C10orf90: variants seen among roughly 807,000 people sequenced by gnomAD.
The protein encoded by C10orf90 is chromosome 10 open reading frame 90.
A neutral mutation model predicts 62.5 loss-of-function variants in C10orf90; 56 were observed. That is an observed-to-expected ratio of 0.90 (90% CI 0.72 to 1.12). The LOEUF (loss-of-function observed/expected upper bound fraction) is 1.12, where lower values mean the gene tolerates loss of function less well. Ranked by LOEUF, C10orf90 falls within the 50% of genes most tolerant of loss-of-function variation. C10orf90 has a pLI of 0.00. For missense variants in C10orf90, 970 were observed against 880.4 expected, an observed-to-expected ratio of 1.10 and a Z score of -1.29; for synonymous variants, 386 against 340.4, an observed-to-expected ratio of 1.13 and a Z score of -1.47.
intron 4 of C10orf90, among the ~76,000 whole-genome samples, chr10:126,502,378 G>A (rs568551536): frequency 4.8e-4 from 73 of 152,356 alleles, no homozygotes; most frequent in African/African-American, 1.4e-3. Context: ...TGGGATCTGT[G>A]CTTTTTCTGG....
At chr10:126,503,338 C>T (rs1026451658) in intron 4 of C10orf90, among the ~76,000 whole-genome samples, 1 of 152,152 alleles carries the variant, frequency 6.6e-6, no homozygotes, top group Non-Finnish European at 1.5e-5. Flanking sequence ...GAAGACAAAA[C>T]CAGGGGGACA....
intron 2 of C10orf90, among the ~76,000 whole-genome samples, chr10:126,635,342 C>T (rs958081973): frequency 2.6e-5 from 4 of 152,166 alleles, no homozygotes; most frequent in African/African-American, 9.7e-5. Flanking sequence ...CACCTCTTCT[C>T]CATTCAAGGC....
intron 2 of C10orf90, among the ~76,000 whole-genome samples, chr10:126,608,073 A>C (rs1377916787): frequency 6.6e-6 from 1 of 152,186 alleles, no homozygotes; most frequent in Non-Finnish European, 1.5e-5. Flanking sequence ...ATGGTGGTCA[A>C]TGTTGCACAA....
At chr10:126,544,120 A>G (rs1043970098) in intron 2 of C10orf90, among the ~76,000 whole-genome samples, 2 of 152,192 alleles carry the variant, frequency 1.3e-5, no homozygotes, top group Non-Finnish European at 2.9e-5. Flanking sequence ...ATTTTTTAAT[A>G]TTGTCAACTA....
intron 4 of C10orf90, among the ~76,000 whole-genome samples, chr10:126,493,064 G>A (rs576654254): frequency 1.3e-5 from 2 of 151,852 alleles, no homozygotes; most frequent in South Asian, 4.2e-4. Flanking sequence ...ACGATTAACA[G>A]GAAGTTCGTT....
chr10:126,440,753 G>T (rs4614351), intron 7 of C10orf90, among the ~76,000 whole-genome samples: 51 of 152,256 alleles, frequency 3.3e-4, no homozygotes, highest in African/African-American at 1.1e-3. Context: ...CCTGGAGCCT[G>T]GTAGACTTGC....
chr10:126,497,761 T>C (rs1003528449), intron 4 of C10orf90, among the ~76,000 whole-genome samples: 1 of 152,160 alleles, frequency 6.6e-6, no homozygotes, highest in African/African-American at 2.4e-5. Context: ...ACTACTCAAC[T>C]TTGCTGTTGC....
rs181147776 is a variant in C10orf90, at chr10:126,507,038, C to A, written c.406-1953G>T. On this transcript the variant is annotated intron_variant, in intron 3 of 9. Coordinates refer to ENST00000488181, the MANE Select transcript of C10orf90 (RefSeq NM_001350921.2). ...GCTTGTTTTGCATGACAATCTCCATCACATTATATGTGGGTTTTTTAAAAA... is the reference window on the plus strand; with the variant it reads ...GCTTGTTTTGCATGACAATCTCCATAACATTATATGTGGGTTTTTTAAAAA... 3.9e-4 allele frequency among the ~76,000 whole-genome samples: 59 copies of A among 152,108 alleles called. No individual in the cohort carries two copies. In the East Asian group the frequency reaches 9.7e-3, roughly 25 times the overall value.
At chr10:126,624,375 G>C (rs1270699230) in intron 2 of C10orf90, among the ~76,000 whole-genome samples, 1 of 152,108 alleles carries the variant, frequency 6.6e-6, no homozygotes, top group Non-Finnish European at 1.5e-5. Context: ...CTCCTACTGA[G>C]GTTTTGTGAA....
In C10orf90 at chr10:126,504,503, T is replaced by C; in HGVS notation, c.988A>G (p.Ser330Gly). ...GACAGTGGGGTGTCTGGAGAAAAAC[T>C]GGTCTCTTTGTCGTCTGCATGGGTG... Reference protein sequence around the residue: ...WVTHADDKETSFSPDTPLSGK... With the variant: ...WVTHADDKETGFSPDTPLSGK... Residue 330 changes from serine to glycine, a missense_variant, in exon 4 of 10, where the codon AGT becomes GGT. Physicochemically the swap from Ser to Gly is moderately conservative, Grantham distance 56. Coordinates refer to ENST00000488181, the MANE Select transcript of C10orf90 (RefSeq NM_001350921.2). This position sits in a 1 kb window ranked among gnomAD's most constrained non-coding sequence, Gnocchi z 4.1. 1 of 1,614,202 alleles carries C rather than the reference T, an allele frequency of 6.2e-7. No individual in the cohort carries two copies. The highest frequency in any genetic ancestry group is 1.1e-5 in the South Asian group (1 of 91,086).
rs1201964958 is a variant in C10orf90, at chr10:126,504,568, T to G, written c.923A>C (p.Glu308Ala). Residue 308 changes from glutamate (E) to alanine (A), a missense_variant, in exon 4 of 10, where the codon GAG (glutamate) becomes GCG (alanine). By Grantham distance (107) the Glu-to-Ala change is moderately radical. Transcript: ENST00000488181. This position sits in a 1 kb window ranked among gnomAD's most constrained non-coding sequence, Gnocchi z 4.1. Reference protein sequence around the residue: ...NSSVVRLKVPEAHTGLCERRK... With the variant: ...NSSVVRLKVPAAHTGLCERRK... Reference sequence around the variant, plus strand: ...TCTCTCACACAACCCAGTGTGGGCCTCGGGAACCTTCAGCCGCACCACGGA... The same window carrying G: ...TCTCTCACACAACCCAGTGTGGGCCGCGGGAACCTTCAGCCGCACCACGGA... 6.2e-7 allele frequency: 1 copy of G among 1,614,212 alleles called. No homozygotes were observed. Among genetic ancestry groups the G allele is most frequent in the Non-Finnish European group, 8.5e-7 (1 of 1,180,030 alleles).
chr10:126,639,902 C>A (rs987459361), intron 2 of C10orf90, among the ~76,000 whole-genome samples: 7 of 152,130 alleles, frequency 4.6e-5, no homozygotes, highest in African/African-American at 7.2e-5. Flanking sequence ...TGGGTGATTG[C>A]AGCAAAATTG....
chr10:126,642,061 G>C (rs1846069083), intron 2 of C10orf90, among the ~76,000 whole-genome samples: 1 of 152,094 alleles, frequency 6.6e-6, no homozygotes, highest in Admixed American at 6.5e-5. Context: ...CCCACTGATG[G>C]AGCTGCTGCT....
At chr10:126,605,749 G>C (rs1431367850) in intron 2 of C10orf90, among the ~76,000 whole-genome samples, 7 of 152,142 alleles carry the variant, frequency 4.6e-5, no homozygotes, top group Admixed American at 4.6e-4. Context: ...CTGGACTCTA[G>C]CAATGACTAG....
At chr10:126,539,821 G>A (rs1325392569) in intron 2 of C10orf90, among the ~76,000 whole-genome samples, 1 of 152,124 alleles carries the variant, frequency 6.6e-6, no homozygotes, top group Non-Finnish European at 1.5e-5. Flanking sequence ...ACCATGAAAT[G>A]CTAAATAATA....
intron 2 of C10orf90, among the ~76,000 whole-genome samples, chr10:126,556,674 G>C (rs903017033): frequency 6.6e-6 from 1 of 152,106 alleles, no homozygotes; most frequent in Non-Finnish European, 1.5e-5. Context: ...TAAGGGACAA[G>C]GTAATCGTCA....
chr10:126,442,497 A>ATATATATATATATATATATATATATATG (rs1168803860), intron 7 of C10orf90, among the ~76,000 whole-genome samples: 1 of 110,454 alleles, frequency 9.1e-6, no homozygotes, highest in African/African-American at 3.7e-5. Flanking sequence ...ATATATATAT[A>ATATATATATATATATATATATATATATG]TATATATATA....
At chr10:126,464,292 C>T (rs1358330187) in intron 5 of C10orf90, among the ~76,000 whole-genome samples, 1 of 152,114 alleles carries the variant, frequency 6.6e-6, no homozygotes, top group Non-Finnish European at 1.5e-5. Flanking sequence ...CTGTGGAAGC[C>T]CCGTGCCTTA....
intron 2 of C10orf90, among the ~76,000 whole-genome samples, chr10:126,565,158 AATAT>A (rs1464655648): frequency 2.6e-4 from 16 of 61,140 alleles, no homozygotes; most frequent in African/African-American, 8.6e-4. Context: ...TATGTAATAT[AATAT>A]TTATATTACA....
Sources: allele counts gnomAD v4.1 joint callset (sites outside exome capture counted in the v4.1 genomes callset), GRCh38; gene constraint gnomAD v4.1.1; non-coding constraint Gnocchi (gnomAD v3.1); transcripts MANE v1.5; gene names NCBI Gene and HGNC (gene_info 2026-07-23, HGNC 2026-07-21).